PPFIA2: variants seen among roughly 807,000 people sequenced by gnomAD.
The protein encoded by PPFIA2 is PPFI scaffold protein A2, also known as liprin-alpha-2.
In PPFIA2, 46 loss-of-function variants were observed where a neutral mutation model predicts 175.5. The ratio of observed to expected loss-of-function variants is 0.26; its 90% CI spans 0.21 to 0.34. The LOEUF (loss-of-function observed/expected upper bound fraction) is 0.34, where lower values mean the gene tolerates loss of function less well. Among genes scored for constraint, PPFIA2 ranks in the 10% least tolerant of loss-of-function variants. The pLI is 1.00. For missense variants in PPFIA2, 1,179 were observed against 1,506.1 expected (o/e 0.78, Z 3.60); for synonymous variants, 568 against 511.4 (o/e 1.11, Z -1.49).
intron 24 of PPFIA2, among the ~76,000 whole-genome samples, chr12:81,287,985 G>A (rs552240720): frequency 4.6e-5 from 7 of 151,844 alleles, no homozygotes; most frequent in South Asian, 2.1e-4. Flanking sequence ...AAAAATGTGC[G>A]AGCTAGAAAA....
chr12:81,422,553 G>A (rs1185537052), intron 7 of PPFIA2, among the ~76,000 whole-genome samples: 1 of 152,048 alleles, frequency 6.6e-6, no homozygotes. Context: ...AGATGGAAGG[G>A]AGTCAAGGGC....
At chr12:81,625,206 G>C (rs1245746352) in intron 4 of PPFIA2, among the ~76,000 whole-genome samples, 1 of 151,680 alleles carries the variant, frequency 6.6e-6, no homozygotes, top group East Asian at 1.9e-4. Context: ...AGAACAGCAT[G>C]GATGTCAGAA....
chr12:81,606,791 C>A (rs1356012951), intron 4 of PPFIA2, among the ~76,000 whole-genome samples: 2 of 151,938 alleles, frequency 1.3e-5, no homozygotes, highest in African/African-American at 4.8e-5. Context: ...TAGTTTATTT[C>A]ACTGTGCAGA....
Position 81,620,095 on chromosome 12 carries a change from G to T in PPFIA2, c.303+56696C>A, listed in dbSNP as rs963901118. ...GAACGGCGTGAACCTGGGAGGCGGA[G>T]CTTGCAGTGAGCCGAGATCGCGCCA... is the stretch of plus-strand genomic sequence containing the variant. On this transcript the variant is annotated intron_variant, in intron 4 of 32. Coordinates refer to ENST00000549396, the MANE Select transcript of PPFIA2 (RefSeq NM_003625.5). 2.8e-5 allele frequency among the ~76,000 whole-genome samples: 4 copies of T among 140,616 alleles called. No individual in the cohort carries two copies. The Admixed American group carries it at 3.2e-4, about 11-fold the overall frequency. 92.2% of individuals were successfully genotyped at this position (140,616 alleles called of 152,430 possible).
chr12:81,728,252 C>A (rs1390841573), intron 3 of PPFIA2, among the ~76,000 whole-genome samples: 1 of 151,318 alleles, frequency 6.6e-6, no homozygotes, highest in Non-Finnish European at 1.5e-5. Flanking sequence ...AGCAAAAAGG[C>A]TAAGAATGGT....
At chr12:81,532,517 G>T (rs918889743) in intron 4 of PPFIA2, among the ~76,000 whole-genome samples, 5 of 151,666 alleles carry the variant, frequency 3.3e-5, no homozygotes, top group African/African-American at 1.2e-4. Flanking sequence ...GGGTTCCATT[G>T]CTCGCAAACA....
At chr12:81,317,498 C>T (rs1406566757) in intron 22 of PPFIA2, among the ~76,000 whole-genome samples, 2 of 100,112 alleles carry the variant, frequency 2.0e-5, no homozygotes, top group Non-Finnish European at 4.2e-5. Context: ...AGAAAATCAA[C>T]AGATTTGAGA....
At chr12:81,642,929 A>T (rs2065515048) in intron 4 of PPFIA2, among the ~76,000 whole-genome samples, 1 of 144,952 alleles carries the variant, frequency 6.9e-6, no homozygotes, top group Non-Finnish European at 1.5e-5. Flanking sequence ...AAATGTGTAT[A>T]TATAACATAT....
chr12:81,576,408 T>G lies in PPFIA2; in HGVS notation c.303+100383A>C, dbSNP rs2073555436. Among the ~76,000 whole-genome samples the G allele has an allele frequency of 2.0e-5, 3 of 151,736 alleles. No homozygotes were observed. The South Asian group carries it at 6.2e-4, about 31-fold the overall frequency. On this transcript the variant is annotated intron_variant, in intron 4 of 32. Coordinates refer to ENST00000549396, the MANE Select transcript of PPFIA2 (RefSeq NM_003625.5). ...GCAGTCTTTATGTGGGAAACAAAAC[T>G]TCTTTCAGTCAATGCCATTTTGTGA...
intron 4 of PPFIA2, among the ~76,000 whole-genome samples, chr12:81,668,499 G>C (rs1200100715): frequency 6.6e-6 from 1 of 152,030 alleles, no homozygotes; most frequent in Non-Finnish European, 1.5e-5. Context: ...ACCCATGGAA[G>C]TACTTGATAT....
chr12:81,347,777 G>T lies in PPFIA2; in HGVS notation c.1995-7C>A, dbSNP rs377561314. ...TTTTTCTTCCTGAATTAGCCTGAAA[G>T]ATACAGTTTAATTATGATCCATATA... On this transcript the variant is annotated splice_region_variant and splice_polypyrimidine_tract_variant and intron_variant, in intron 17 of 32. Transcript: ENST00000549396. The T allele has an allele frequency of 8.8e-4, 1,418 of 1,613,076 alleles. 8 individuals are homozygous for T. Among genetic ancestry groups the T allele is most frequent in the South Asian group, 2.1e-3 (190 of 91,032 alleles).
chr12:81,449,810 C>A (rs2052122752), intron 5 of PPFIA2, among the ~76,000 whole-genome samples: 1 of 139,994 alleles, frequency 7.1e-6, no homozygotes, highest in Non-Finnish European at 1.5e-5. Flanking sequence ...CCATGACAGG[C>A]CCTGGTGTGT....
At chr12:81,508,703 C>G (rs1009810512) in intron 4 of PPFIA2, among the ~76,000 whole-genome samples, 1 of 150,914 alleles carries the variant, frequency 6.6e-6, no homozygotes, top group East Asian at 2.0e-4. Flanking sequence ...CTTGCTGGTG[C>G]GCTGCATCCA....
At chr12:81,518,962 C>A (rs2062789823) in intron 4 of PPFIA2, among the ~76,000 whole-genome samples, 2 of 151,996 alleles carry the variant, frequency 1.3e-5, no homozygotes. Flanking sequence ...TAAAACAAAC[C>A]TTTAAAGCCT....
At chr12:81,741,316 A>T (rs1946913581) in intron 3 of PPFIA2, among the ~76,000 whole-genome samples, 1 of 152,176 alleles carries the variant, frequency 6.6e-6, no homozygotes, top group South Asian at 2.1e-4. Context: ...TCTTGTTTTC[A>T]TTAAGATTTT....
At chr12:81,286,225 A>T (rs2043334960) in intron 24 of PPFIA2, among the ~76,000 whole-genome samples, 1 of 152,126 alleles carries the variant, frequency 6.6e-6, no homozygotes, top group African/African-American at 2.4e-5. Context: ...ACAAAAAAAA[A>T]GATTTATAAA....
chr12:81,562,942 C>A (rs2070497213), intron 4 of PPFIA2, among the ~76,000 whole-genome samples: 1 of 145,546 alleles, frequency 6.9e-6, no homozygotes, highest in African/African-American at 2.6e-5. Flanking sequence ...ATATAACATT[C>A]ATTCTTTCAG....
At chr12:81,755,528 T>A (rs1335811304) in intron 2 of PPFIA2, among the ~76,000 whole-genome samples, 5 of 152,308 alleles carry the variant, frequency 3.3e-5, no homozygotes, top group Admixed American at 3.3e-4. Context: ...AATGTCAAGA[T>A]TTAACAGCTC....
At chr12:81,474,685 GA>G (rs1180251749) in intron 4 of PPFIA2, among the ~76,000 whole-genome samples, 1 of 152,134 alleles carries the variant, frequency 6.6e-6, no homozygotes, top group Non-Finnish European at 1.5e-5. Flanking sequence ...TAACTGCTGT[GA>G]AATATAATTA....
Sources: allele counts gnomAD v4.1 joint callset (sites outside exome capture counted in the v4.1 genomes callset), GRCh38; gene constraint gnomAD v4.1.1; transcripts MANE v1.5; gene names NCBI Gene and HGNC (gene_info 2026-07-23, HGNC 2026-07-21).